DOCK1: variants seen among roughly 807,000 people sequenced by gnomAD.
DOCK1 encodes the protein dedicator of cytokinesis 1.
DOCK1 carries 138 observed loss-of-function variants against 262.7 expected under a neutral mutation model. The observed-to-expected ratio is 0.53, with a 90% confidence interval of 0.46 to 0.61. The LOEUF (loss-of-function observed/expected upper bound fraction) is 0.61. DOCK1 is among the 20% of genes least tolerant of loss of function. The pLI, the probability that DOCK1 is intolerant of heterozygous loss-of-function variation, is 0.00. For missense variants in DOCK1, 1,908 were observed against 2,370.7 expected, an observed-to-expected ratio of 0.80 and a Z score of 4.05; for synonymous variants, 866 against 867.4, an observed-to-expected ratio of 1.00 and a Z score of 0.03.
chr10:127,355,906 GT>G (rs1339399249), intron 32 of DOCK1, among the ~76,000 whole-genome samples: 1 of 152,232 alleles, frequency 6.6e-6, no homozygotes, highest in Admixed American at 6.5e-5. Context: ...ATGAGGCCCA[GT>G]TAGGTTCTCA....
At chr10:127,356,759 G>T (rs113454908) in intron 32 of DOCK1, among the ~76,000 whole-genome samples, 1,828 of 152,214 alleles carry the variant, frequency 0.012, 26 homozygotes, top group African/African-American at 0.042. Flanking sequence ...CCACAGTTGG[G>T]CTCTCAGGGC....
intron 47 of DOCK1, among the ~76,000 whole-genome samples, chr10:127,431,209 G>A (rs953681765): frequency 4.5e-4 from 69 of 152,192 alleles, no homozygotes; most frequent in African/African-American, 1.5e-3. Context: ...GTGTCTGGCC[G>A]TGGAGTCCCA....
chr10:127,347,092 G>A (rs957867242), intron 31 of DOCK1, among the ~76,000 whole-genome samples: 1 of 152,220 alleles, frequency 6.6e-6, no homozygotes, highest in Non-Finnish European at 1.5e-5. Flanking sequence ...TAGTCCATTT[G>A]CAAATTTTAT....
intron 33 of DOCK1, among the ~76,000 whole-genome samples, chr10:127,365,026 T>G (rs1291431047): frequency 6.7e-6 from 1 of 149,744 alleles, no homozygotes; most frequent in Non-Finnish European, 1.5e-5. Context: ...AATACAACAT[T>G]GTAAATATTA....
intron 1 of DOCK1, among the ~76,000 whole-genome samples, chr10:126,912,102 G>A (rs539337925): frequency 2.0e-5 from 3 of 152,184 alleles, no homozygotes; most frequent in East Asian, 3.9e-4. Context: ...GTCTTCCTTC[G>A]GTGTGTGTCA....
chr10:127,387,297 T>C (rs530539816), intron 38 of DOCK1, among the ~76,000 whole-genome samples: 1 of 152,356 alleles, frequency 6.6e-6, no homozygotes, highest in South Asian at 2.1e-4. Context: ...GGGTTTCTGC[T>C]GCACTGCCTT....
chr10:127,184,019 A>C (rs979984798), intron 27 of DOCK1, among the ~76,000 whole-genome samples: 4 of 152,276 alleles, frequency 2.6e-5, no homozygotes, highest in Middle Eastern at 3.4e-3. Flanking sequence ...TTGTGCATGA[A>C]AAACTTGGCA....
chr10:127,059,545 T>C (rs1591842801), intron 22 of DOCK1, among the ~76,000 whole-genome samples: 1 of 152,224 alleles, frequency 6.6e-6, no homozygotes, highest in South Asian at 2.1e-4. Context: ...TTTTACTAAT[T>C]CTGCCTCTTG....
intron 14 of DOCK1, among the ~76,000 whole-genome samples, 196 bp downstream of exon 14, chr10:127,023,520 T>A: frequency 6.6e-6 from 1 of 150,536 alleles, no homozygotes; most frequent in Admixed American, 6.6e-5. Context: ...GCAGCTGGCC[T>A]ATCTCAGGAG....
chr10:127,031,594 T>C, intron 16 of DOCK1, 56 bp from the exon 17 acceptor site: 1 of 1,370,538 alleles, frequency 7.3e-7, no homozygotes, highest in Non-Finnish European at 1.0e-6. Context: ...CTTATAATGT[T>C]ATTTTGTCAT....
intron 22 of DOCK1, among the ~76,000 whole-genome samples, chr10:127,057,779 C>T (rs2045260787): frequency 6.6e-6 from 1 of 152,180 alleles, no homozygotes; most frequent in South Asian, 2.1e-4. Flanking sequence ...TGCCTGTCAT[C>T]TGGTGTTAGC....
At chr10:127,364,683 G>A (rs1347474937) in intron 33 of DOCK1, among the ~76,000 whole-genome samples, 1 of 152,104 alleles carries the variant, frequency 6.6e-6, no homozygotes, top group African/African-American at 2.4e-5. Flanking sequence ...TTTTTATAAG[G>A]TGACTGGTGA....
intron 14 of DOCK1, 129 bp from the exon 15 acceptor site, chr10:127,024,556 T>G: frequency 1.4e-6 from 1 of 708,574 alleles, no homozygotes; most frequent in South Asian, 2.3e-5. Flanking sequence ...GCTGGGAACG[T>G]GTTCATTTGT....
intron 29 of DOCK1, among the ~76,000 whole-genome samples, chr10:127,261,203 GTACC>G (rs2060070541): frequency 9.6e-6 from 1 of 103,698 alleles, no homozygotes; most frequent in African/African-American, 3.7e-5. Flanking sequence ...GTGTGTGTGT[GTACC>G]TGCATGTGTG....
chr10:127,189,132 ACAAGCTTGAGAAT>A (rs1216128592), intron 27 of DOCK1, among the ~76,000 whole-genome samples: 2 of 152,232 alleles, frequency 1.3e-5, no homozygotes, highest in African/African-American at 4.8e-5. Context: ...CCTACGAGAC[ACAAGCTTGAGAAT>A]CACCACCAGA....
At chr10:127,162,969 C>T (rs1394503072) in intron 27 of DOCK1, among the ~76,000 whole-genome samples, 1 of 152,196 alleles carries the variant, frequency 6.6e-6, no homozygotes, top group Non-Finnish European at 1.5e-5. Context: ...AACAGTAGCA[C>T]TCCTTCCATG....
chr10:126,960,023 G>T (rs1278225026), intron 1 of DOCK1, among the ~76,000 whole-genome samples: 1 of 152,134 alleles, frequency 6.6e-6, no homozygotes, highest in African/African-American at 2.4e-5. Flanking sequence ...GGTCAGGCTG[G>T]TCTCGAACTC....
chr10:126,965,577 G>A (rs2037610570), intron 1 of DOCK1, among the ~76,000 whole-genome samples: 2 of 152,066 alleles, frequency 1.3e-5, no homozygotes, highest in African/African-American at 4.8e-5. Context: ...GGATCCCAGG[G>A]CTGCCATCAG....
intron 25 of DOCK1, among the ~76,000 whole-genome samples, chr10:127,119,596 G>A (rs548308436): frequency 6.6e-6 from 1 of 152,258 alleles, no homozygotes; most frequent in Non-Finnish European, 1.5e-5. Flanking sequence ...TAAGACAATT[G>A]ACTATACAAG....
Sources: allele counts gnomAD v4.1 joint callset (sites outside exome capture counted in the v4.1 genomes callset), GRCh38; gene constraint gnomAD v4.1.1; transcripts MANE v1.5; gene names NCBI Gene and HGNC (gene_info 2026-07-23, HGNC 2026-07-21).